PRKG1: variants seen among roughly 807,000 people sequenced by gnomAD.
The protein encoded by PRKG1 is cGMP-dependent protein kinase 1.
In PRKG1, 35 loss-of-function variants were observed where a neutral mutation model predicts 88.1. The observed-to-expected ratio is 0.40, with a 90% confidence interval of 0.30 to 0.53. The LOEUF (loss-of-function observed/expected upper bound fraction) is 0.53, where lower values mean the gene tolerates loss of function less well. Ranked by LOEUF, PRKG1 falls within the 20% of genes least tolerant of loss-of-function variation. The pLI is 0.59. For missense variants in PRKG1, 540 were observed against 839.8 expected (o/e 0.64, Z 4.41); for synonymous variants, 303 against 292.5 (o/e 1.04, Z -0.37).
chr10:51,287,058 T>G (rs1349995472), intron 2 of PRKG1, among the ~76,000 whole-genome samples: 1 of 152,086 alleles, frequency 6.6e-6, no homozygotes, highest in Non-Finnish European at 1.5e-5. Flanking sequence ...TAATATTTTT[T>G]GTAGAGATGG....
At chr10:52,006,462 A>T (rs78106202) in intron 5 of PRKG1, among the ~76,000 whole-genome samples, 15,521 of 151,944 alleles carry the variant, frequency 0.1, 929 homozygotes, top group Non-Finnish European at 0.13. Context: ...AGAGCTGAAA[A>T]ATACACAAGA....
At chr10:51,457,358 T>C (rs562532499) in intron 2 of PRKG1, among the ~76,000 whole-genome samples, 11 of 152,248 alleles carry the variant, frequency 7.2e-5, no homozygotes, top group African/African-American at 2.6e-4. Context: ...TTCTCACTTA[T>C]AAGTGGGAGC....
intron 2 of PRKG1, among the ~76,000 whole-genome samples, chr10:51,461,258 G>A (rs559460610): frequency 7.9e-5 from 12 of 151,984 alleles, no homozygotes; most frequent in Non-Finnish European, 1.3e-4. Context: ...ATCTCACATT[G>A]TTTCATTCCA....
At chr10:51,930,460 C>A (rs866539561) in intron 5 of PRKG1, among the ~76,000 whole-genome samples, 2 of 132,868 alleles carry the variant, frequency 1.5e-5, no homozygotes, top group African/African-American at 5.6e-5. Context: ...TGTTGTAGAT[C>A]TTTTTTTAAT....
At chr10:52,179,575 T>A (rs931881367) in intron 9 of PRKG1, among the ~76,000 whole-genome samples, 15 of 152,168 alleles carry the variant, frequency 9.9e-5, no homozygotes, top group Admixed American at 9.8e-4. Flanking sequence ...AGAGAGGATG[T>A]GTTTTGGTTG....
chr10:51,702,758 G>A (rs369668191), intron 3 of PRKG1, among the ~76,000 whole-genome samples: 6 of 151,782 alleles, frequency 4.0e-5, no homozygotes, highest in African/African-American at 7.3e-5. Context: ...GTGCGATGGC[G>A]TGATCTTGGT....
chr10:51,107,713 A>G (rs1198117315), intron 1 of PRKG1, among the ~76,000 whole-genome samples: 1 of 149,686 alleles, frequency 6.7e-6, no homozygotes, highest in African/African-American at 2.5e-5. Context: ...AGTCCCAGCT[A>G]CTTGGGAGGC....
At chr10:51,341,997 C>T (rs1401659539) in intron 2 of PRKG1, among the ~76,000 whole-genome samples, 1 of 152,090 alleles carries the variant, frequency 6.6e-6, no homozygotes, top group Non-Finnish European at 1.5e-5. Context: ...GCCCTTTATA[C>T]ATAGGGATTA....
At chr10:51,545,873 G>A (rs1842432903) in intron 3 of PRKG1, among the ~76,000 whole-genome samples, 1 of 151,884 alleles carries the variant, frequency 6.6e-6, no homozygotes. Context: ...CAATATGAGA[G>A]TCCCTTCCCC....
chr10:51,099,207 C>T (rs1239898140), intron 1 of PRKG1, among the ~76,000 whole-genome samples: 1 of 152,036 alleles, frequency 6.6e-6, no homozygotes, highest in Non-Finnish European at 1.5e-5. Context: ...TAGCCTCATA[C>T]CAACATGAAT....
chr10:52,093,573 C>T (rs1350447085), intron 7 of PRKG1, among the ~76,000 whole-genome samples: 1 of 152,124 alleles, frequency 6.6e-6, no homozygotes, highest in Admixed American at 6.5e-5. Context: ...AAAATTGCCT[C>T]TAATAATAGA....
chr10:51,107,399 G>GA (rs1236023302), intron 1 of PRKG1, among the ~76,000 whole-genome samples: 1 of 151,652 alleles, frequency 6.6e-6, no homozygotes, highest in Non-Finnish European at 1.5e-5. Flanking sequence ...CAAGAAACTA[G>GA]AAAAAAATGA....
chr10:51,497,728 C>A (rs559072094), intron 3 of PRKG1, among the ~76,000 whole-genome samples: 10 of 152,200 alleles, frequency 6.6e-5, no homozygotes, highest in African/African-American at 2.2e-4. Flanking sequence ...CTATTCTCTG[C>A]AGAAATGTTG....
At chr10:51,628,222 T>G (rs1839424433) in intron 3 of PRKG1, among the ~76,000 whole-genome samples, 1 of 150,878 alleles carries the variant, frequency 6.6e-6, no homozygotes, top group South Asian at 2.1e-4. Context: ...CAGACTGAAG[T>G]GCAGTGGCAC....
intron 3 of PRKG1, among the ~76,000 whole-genome samples, chr10:51,723,993 T>C (rs1431242583): frequency 2.0e-5 from 3 of 152,180 alleles, no homozygotes; most frequent in Non-Finnish European, 4.4e-5. Context: ...GATAAAAGAA[T>C]ACCTGTAAAC....
At chr10:51,161,118 T>C (rs545211311) in intron 2 of PRKG1, among the ~76,000 whole-genome samples, 110 of 152,344 alleles carry the variant, frequency 7.2e-4, no homozygotes, top group African/African-American at 2.6e-3. Flanking sequence ...TTGAAAATAC[T>C]TGATGACAGC....
intron 7 of PRKG1, among the ~76,000 whole-genome samples, chr10:52,117,462 C>T (rs1847715842): frequency 1.3e-5 from 2 of 152,014 alleles, no homozygotes; most frequent in East Asian, 1.9e-4. Context: ...TACCTCTAGA[C>T]CTGATAGCTG....
chr10:51,445,824 A>G (rs1434924593), intron 2 of PRKG1, among the ~76,000 whole-genome samples: 1 of 151,918 alleles, frequency 6.6e-6, no homozygotes, highest in Non-Finnish European at 1.5e-5. Flanking sequence ...GGTTAAAAAT[A>G]GCCTTGCAGC....
At chr10:51,562,956 T>TTATTTG (rs33969160) in intron 3 of PRKG1, among the ~76,000 whole-genome samples, 60,606 of 151,052 alleles carry the variant, frequency 0.4, 12,851 homozygotes, top group East Asian at 0.87. Flanking sequence ...ATTTTTATTT[T>TTATTTG]TATTTTAAAG....
Sources: allele counts gnomAD v4.1 joint callset (sites outside exome capture counted in the v4.1 genomes callset), GRCh38; gene constraint gnomAD v4.1.1; transcripts MANE v1.5; gene names NCBI Gene and HGNC (gene_info 2026-07-23, HGNC 2026-07-21).